Variants in PIEZO1 observed in about 807,000 individuals in gnomAD.
The protein encoded by PIEZO1 is piezo type mechanosensitive ion channel component 1 (Er blood group).
In PIEZO1, 296 loss-of-function variants were observed where a neutral mutation model predicts 297.2. The ratio of observed to expected loss-of-function variants is 1.00; its 90% CI spans 0.91 to 1.10. The LOEUF is 1.10. Ranked by LOEUF, PIEZO1 falls within the 50% of genes least tolerant of loss-of-function variation. The pLI is 0.00. For missense variants in PIEZO1, 5,018 were observed against 3,455.5 expected (o/e 1.45, Z -11.34); for synonymous variants, 2,427 against 1,507.5 (o/e 1.61, Z -14.13).
rs982885567 is a variant in PIEZO1 at position 88,785,029 on chromosome 16, G to A, written c.-65C>T. The A allele has an allele frequency of 8.9e-6, 9 of 1,009,436 alleles. No homozygotes were observed. The African/African-American group carries it at 1.4e-4, about 15-fold the overall frequency. 62.5% of individuals were successfully genotyped at this position (1,009,436 alleles called of 1,614,324 possible). A position where few individuals can be genotyped will look rare whatever the true frequency, so the allele number is the denominator to read the frequency against. On this transcript the variant is annotated 5_prime_UTR_variant, in exon 1 of 51. Coordinates refer to ENST00000301015, the MANE Select transcript of PIEZO1 (RefSeq NM_001142864.4). ...CCGCGGCGCTATGGGGCGGTGCGGGGGCCCCGGGGCCGGCGCGCCATGGCT... is the reference window on the plus strand; with the variant it reads ...CCGCGGCGCTATGGGGCGGTGCGGGAGCCCCGGGGCCGGCGCGCCATGGCT...
intron 2 of PIEZO1, among the ~76,000 whole-genome samples, chr16:88,748,896 G>C (rs2142861586): frequency 7.4e-6 from 1 of 135,368 alleles, no homozygotes; most frequent in East Asian, 2.2e-4. Flanking sequence ...TTGTGCCACT[G>C]CACTCCAGCC....
In PIEZO1 at chr16:88,722,553, A is replaced by T. The variant is rs755131308; in HGVS notation, c.4775+30T>A. The T allele has an allele frequency of 2.0e-6, 3 of 1,471,050 alleles. No homozygotes were observed. The Admixed American group carries it at 6.9e-5, about 34-fold the overall frequency. The allele number at this position is 1,471,050 out of a possible 1,614,324, so 91.1% of individuals were successfully genotyped here. A position where few individuals can be genotyped will look rare whatever the true frequency, so the allele number is the denominator to read the frequency against. On this transcript the variant is annotated intron_variant, in intron 35 of 50. Transcript: ENST00000301015. The stretch of plus-strand genomic sequence containing the variant: ...GCGATGCCCACACACCAGGGGCAGC[A>T]GCTGGGGCTCGGGTCACCCCCGCAC...
At chr16:88,731,514 G>A in intron 22 of PIEZO1, 192 bp downstream of exon 22, 1 of 590,168 alleles carries the variant, frequency 1.7e-6, no homozygotes, top group East Asian at 2.8e-5. Context: ...GCCTGGAGGG[G>A]GCCAGGCCGC....
At chr16:88,724,913 C>T (rs1020487517) in intron 30 of PIEZO1, 96 bp downstream of exon 30, 9 of 785,588 alleles carry the variant, frequency 1.1e-5, no homozygotes, top group East Asian at 6.6e-5. Context: ...GCCTGGGAGT[C>T]GGGGGAAGGG....
chr16:88,779,036 CTTTTTT>C (rs34383297), intron 1 of PIEZO1, among the ~76,000 whole-genome samples: 2 of 135,160 alleles, frequency 1.5e-5, no homozygotes, highest in Non-Finnish European at 3.1e-5. Flanking sequence ...TACGACTTCA[CTTTTTT>C]TTTTTTTTTT....
At chr16:88,733,155 G>T (rs1904981428) in intron 19 of PIEZO1, 123 bp downstream of exon 19, 2 of 943,150 alleles carry the variant, frequency 2.1e-6, no homozygotes, top group African/African-American at 1.7e-5. Flanking sequence ...GGCGCCCCCA[G>T]GGGAGAGTCC....
chr16:88,719,480 C>A, intron 44 of PIEZO1, 94 bp downstream of exon 44: 1 of 1,264,314 alleles, frequency 7.9e-7, no homozygotes, highest in African/African-American at 1.5e-5. Context: ...GGAGGGCCTC[C>A]AGCACCACGG....
intron 31 of PIEZO1, 87 bp downstream of exon 31, chr16:88,723,784 G>C (rs947214138): frequency 6.9e-6 from 5 of 726,116 alleles, no homozygotes; most frequent in Non-Finnish European, 1.2e-5. Flanking sequence ...CCAGGCCCTG[G>C]GGGCATCTGA....
intron 2 of PIEZO1, among the ~76,000 whole-genome samples, chr16:88,746,261 G>T (rs541129615): frequency 6.6e-6 from 1 of 152,254 alleles, no homozygotes; most frequent in South Asian, 2.1e-4. Flanking sequence ...GAGGGTGGCA[G>T]GGCCTCCCTG....
chr16:88,783,202 C>T (rs1193200086), intron 1 of PIEZO1, among the ~76,000 whole-genome samples: 3 of 152,128 alleles, frequency 2.0e-5, no homozygotes, highest in East Asian at 3.9e-4. Context: ...GGATAGCAAT[C>T]GAGAAGGCAG....
At chr16:88,728,114 G>C (rs1904586326) in intron 22 of PIEZO1, among the ~76,000 whole-genome samples, 1 of 152,266 alleles carries the variant, frequency 6.6e-6, no homozygotes, top group South Asian at 2.1e-4. Context: ...ACAGACCTCA[G>C]TGTGCTCTGC....
rs766731421 is a variant in PIEZO1, at chr16:88,715,837, A to G, written c.7334T>C (p.Val2445Ala). The change falls in exon 51 of 51, where the codon GTG becomes GCG. Residue 2445 changes from valine (V) to alanine (A), a missense_variant. By Grantham distance (64) the Val-to-Ala change is moderately conservative. Coordinates refer to ENST00000301015, the MANE Select transcript of PIEZO1 (RefSeq NM_001142864.4). The part of the protein sequence containing the change: ...LAGYGIMGLY[V>A]SIVLVIGKFV... ...CTTGCCGATGACCAGCACGATGGAC[A>G]CGTACAGCCCCATGATGCTGCGGGG... The G allele has an allele frequency of 3.9e-6, 6 of 1,550,200 alleles. No homozygotes were observed. The East Asian group carries it at 1.2e-4, about 32-fold the overall frequency.
chr16:88,781,698 C>T (rs568314208), intron 1 of PIEZO1, among the ~76,000 whole-genome samples: 1 of 152,362 alleles, frequency 6.6e-6, no homozygotes, highest in East Asian at 1.9e-4. Flanking sequence ...CACAGGCCTC[C>T]GAAGGGTGAC....
intron 19 of PIEZO1, 65 bp downstream of exon 19, chr16:88,733,213 G>A (rs1355211979): frequency 7.1e-7 from 1 of 1,414,856 alleles, no homozygotes; most frequent in African/African-American, 1.4e-5. Flanking sequence ...TGCCCCAGGA[G>A]GGTCGGGCTG....
rs903170883 is a variant in PIEZO1 at position 88,715,347 on chromosome 16, C to T, written c.*258G>A. 9 of 1,289,516 alleles carry T rather than the reference C, an allele frequency of 7.0e-6. No individual in the cohort carries two copies. In the Admixed American group the frequency reaches 1.0e-4, roughly 14 times the overall value. 79.9% of individuals were successfully genotyped at this position (1,289,516 alleles called of 1,614,324 possible). ...GGACGGGGGACTGGCCTCTGATTGT[C>T]CATTTGTATAAATAAAACATTTTTT... On this transcript the variant is annotated 3_prime_UTR_variant, in exon 51 of 51. Coordinates refer to ENST00000301015, the MANE Select transcript of PIEZO1 (RefSeq NM_001142864.4).
intron 1 of PIEZO1, among the ~76,000 whole-genome samples, chr16:88,761,619 C>A (rs28558842): frequency 0.69 from 104,143 of 152,026 alleles, 36,566 homozygotes; most frequent in African/African-American, 0.85. Flanking sequence ...ACTTGGGGTC[C>A]GCAGTGAACG....
chr16:88,733,895 G>C lies in PIEZO1; in HGVS notation c.2329+11C>G. ...ACTGGGTGGCAGCTGTGCTCTGCCC[G>C]CCCAACCCACCTTCAGGCACCTGCG... On this transcript the variant is annotated intron_variant, in intron 17 of 50. Coordinates refer to ENST00000301015, the MANE Select transcript of PIEZO1 (RefSeq NM_001142864.4). 6.7e-7 allele frequency: 1 copy of C among 1,484,222 alleles called. No individual in the cohort carries two copies. The highest frequency in any genetic ancestry group is 9.0e-7 in the Non-Finnish European group (1 of 1,110,540). The allele number at this position is 1,484,222 out of a possible 1,614,324, so 91.9% of individuals were successfully genotyped here. A position where few individuals can be genotyped will look rare whatever the true frequency, so the allele number is the denominator to read the frequency against.
intron 2 of PIEZO1, among the ~76,000 whole-genome samples, chr16:88,746,986 C>T (rs1020554452): frequency 1.3e-5 from 2 of 152,166 alleles, no homozygotes; most frequent in Non-Finnish European, 2.9e-5. Flanking sequence ...GTTTGGGCCT[C>T]GGGCCCCAGC....
intron 1 of PIEZO1, among the ~76,000 whole-genome samples, chr16:88,781,437 C>T (rs1223516262): frequency 6.6e-6 from 1 of 152,248 alleles, no homozygotes; most frequent in East Asian, 1.9e-4. Context: ...AACACGCACA[C>T]ATGTGCACAC....
Sources: gnomAD v4.1 joint callset for allele counts (sites outside exome capture counted in the v4.1 genomes callset) on GRCh38, gnomAD v4.1.1 for gene constraint, MANE v1.5 for transcripts, NCBI Gene and HGNC (gene_info 2026-07-23, HGNC 2026-07-21) for gene names.